GLYR1: variants seen among roughly 807,000 people sequenced by gnomAD.
The protein encoded by GLYR1 is glyoxylate reductase 1 homolog, also known as cytokine-like nuclear factor N-PAC.
A neutral mutation model predicts 72.7 loss-of-function variants in GLYR1; 21 were observed. The ratio of observed to expected loss-of-function variants is 0.29; its 90% CI spans 0.20 to 0.42. The LOEUF is 0.42. GLYR1 is among the 10% of genes least tolerant of loss of function. The probability of loss-of-function intolerance (pLI) is 1.00; values close to 1 mark genes in which losing one functional copy is unlikely to be tolerated. For synonymous variants in GLYR1, 392 were observed against 270.2 expected (o/e 1.45, Z -4.42); for missense variants, 594 against 712.1 (o/e 0.83, Z 1.89).
intron 10 of GLYR1, among the ~76,000 whole-genome samples, chr16:4,815,058 C>CA (rs1375083472): frequency 7.9e-5 from 12 of 152,126 alleles, no homozygotes; most frequent in Middle Eastern, 3.4e-3. Context: ...TTTCTCAACA[C>CA]TGTTGTCAGG....
At chr16:4,841,015 A>G (rs538270338) in intron 3 of GLYR1, among the ~76,000 whole-genome samples, 120 of 152,370 alleles carry the variant, frequency 7.9e-4, no homozygotes, top group Middle Eastern at 3.4e-3. Flanking sequence ...TTAGTACCAC[A>G]GTGACTTCAT....
chr16:4,823,221 T>TG (rs1311406109), intron 6 of GLYR1, among the ~76,000 whole-genome samples: 1 of 152,270 alleles, frequency 6.6e-6, no homozygotes, highest in Non-Finnish European at 1.5e-5. Context: ...AGCATACCTG[T>TG]GCTTTATAAA....
chr16:4,828,255 G>C (rs1017418970), intron 5 of GLYR1, among the ~76,000 whole-genome samples: 8 of 151,932 alleles, frequency 5.3e-5, no homozygotes, highest in African/African-American at 1.9e-4. Flanking sequence ...ATTTTTAGTA[G>C]AGACGGGGTT....
intron 15 of GLYR1, among the ~76,000 whole-genome samples, chr16:4,809,947 A>C (rs2083231774): frequency 6.6e-6 from 1 of 151,970 alleles, no homozygotes; most frequent in African/African-American, 2.4e-5. Flanking sequence ...AAAACAAAAA[A>C]CAAAAAAACA....
chr16:4,845,123 G>A lies in GLYR1; in HGVS notation c.106C>T (p.Pro36Ser). 6.2e-7 allele frequency: 1 copy of A among 1,614,086 alleles called. No individual in the cohort carries two copies. Among genetic ancestry groups the A allele is most frequent in the Non-Finnish European group, 8.5e-7 (1 of 1,179,940 alleles). ...IVNPPKDLKK[P>S]RGKKCFFVKF... ...ACAAAGAAGCATTTCTTTCCGCGAG[G>A]TTTCTTCAAGTCCTTTGGTGGATTA... Residue 36 changes from proline to serine, a missense_variant, in exon 3 of 16, where the codon CCT becomes TCT. Coordinates refer to ENST00000321919, the MANE Select transcript of GLYR1 (RefSeq NM_032569.4).
chr16:4,814,442 G>C (rs1489644093), intron 11 of GLYR1, 95 bp downstream of exon 11: 5 of 899,652 alleles, frequency 5.6e-6, no homozygotes, highest in Non-Finnish European at 7.5e-6. Flanking sequence ...CCCACATGTG[G>C]ACACTCACTT....
Position 4,845,171 on chromosome 16 carries a change from G to T in GLYR1, c.76-18C>A. The T allele has an allele frequency of 6.2e-7, 1 of 1,604,562 alleles. No individual in the cohort carries two copies. The highest frequency in any genetic ancestry group is 1.7e-5 in the Admixed American group (1 of 59,984). ...TTAACAATCTGGAGGATAAAAGGGG[G>T]GAAAAAGGTTGGCTGGCAACACAGC... is the stretch of plus-strand genomic sequence containing the variant. On this transcript the variant is annotated intron_variant, in intron 2 of 15. Coordinates refer to ENST00000321919, the MANE Select transcript of GLYR1 (RefSeq NM_032569.4).
chr16:4,845,536 A>C (rs1008607821), intron 2 of GLYR1, among the ~76,000 whole-genome samples: 1 of 152,096 alleles, frequency 6.6e-6, no homozygotes, highest in African/African-American at 2.4e-5. Context: ...TTACTGAAAA[A>C]ATGCAGACGA....
In GLYR1 at chr16:4,825,843, G is replaced by A. The variant is rs574518134; in HGVS notation, c.538-1936C>T. Among the ~76,000 whole-genome samples, 65 of 151,772 alleles carry A rather than the reference G, an allele frequency of 4.3e-4. 1 individual carries two copies. Among genetic ancestry groups the A allele is most frequent in the Non-Finnish European group, 8.1e-4 (55 of 67,912 alleles). ...AATTTTTTGTATTTTTAGTAGAGACGGGGTTTCACCATGTTAGCCAGGATG... is the reference window on the plus strand; with the variant it reads ...AATTTTTTGTATTTTTAGTAGAGACAGGGTTTCACCATGTTAGCCAGGATG... On this transcript the variant is annotated intron_variant, in intron 5 of 15. Coordinates refer to ENST00000321919, the MANE Select transcript of GLYR1 (RefSeq NM_032569.4).
chr16:4,845,433 T>A lies in GLYR1; in HGVS notation c.76-280A>T, dbSNP rs565397147. Among the ~76,000 whole-genome samples the A allele has an allele frequency of 2.6e-5, 4 of 152,330 alleles. No homozygotes were observed. The East Asian group carries it at 7.7e-4, about 29-fold the overall frequency. ...TCAGTAGACACAATATCCCTTTTACTGCAGTGGCCCTGTTTTACAAGCAGT... is the reference window on the plus strand; with the variant it reads ...TCAGTAGACACAATATCCCTTTTACAGCAGTGGCCCTGTTTTACAAGCAGT... On this transcript the variant is annotated intron_variant, in intron 2 of 15. Transcript: ENST00000321919.
chr16:4,832,075 C>T lies in GLYR1; in HGVS notation c.441G>A (p.Val147=), dbSNP rs1267046766. The T allele has an allele frequency of 1.2e-6, 2 of 1,614,100 alleles. No individual in the cohort carries two copies. Among genetic ancestry groups the T allele is most frequent in the East Asian group, 2.2e-5 (1 of 44,900 alleles). Residue 147 remains valine (V), a synonymous_variant, in exon 5 of 16, where the codon GTG becomes GTA. Transcript: ENST00000321919. ...KKNMGEGKKR[V]SSGSSERGSK... ...AGCCTCTCTCTGAAGAGCCTGAAGACACCCTCTTCTTTCCTTCTCCCATGT... is the reference window on the plus strand; with the variant it reads ...AGCCTCTCTCTGAAGAGCCTGAAGATACCCTCTTCTTTCCTTCTCCCATGT...
In GLYR1 at chr16:4,832,200, CAGA is replaced by C. The variant is rs2084843617; in HGVS notation, c.313_315del (p.Ser105del). ...CTGGAATTACGTCGATTCTTGTCAT[CAGA>C]AGAATTGTGGGATGACGTCTGAAAG... On this transcript the variant is annotated inframe_deletion, in exon 5 of 16. Coordinates refer to ENST00000321919, the MANE Select transcript of GLYR1 (RefSeq NM_032569.4). 4 of 1,614,070 alleles carry C rather than the reference CAGA, an allele frequency of 2.5e-6. No individual in the cohort carries two copies. The highest frequency in any genetic ancestry group is 3.4e-6 in the Non-Finnish European group (4 of 1,179,990).
chr16:4,827,219 T>C (rs531793567), intron 5 of GLYR1, among the ~76,000 whole-genome samples: 1 of 152,372 alleles, frequency 6.6e-6, no homozygotes, highest in Admixed American at 6.5e-5. Context: ...TATCAGCCTA[T>C]GTGACTGCTC....
chr16:4,832,363 C>T lies in GLYR1; in HGVS notation c.295-142G>A, dbSNP rs1310646078. The T allele has an allele frequency of 3.9e-6, 4 of 1,015,968 alleles. No homozygotes were observed. In the South Asian group the frequency reaches 4.9e-5, roughly 13 times the overall value. The allele number at this position is 1,015,968 out of a possible 1,614,324, so 62.9% of individuals were successfully genotyped here. A position where few individuals can be genotyped will look rare whatever the true frequency, so the allele number is the denominator to read the frequency against. ...CCCTAGAAATAGATTCTGCTGTCGT[C>T]CCAGACATTGGGAGAAGCAGATTTA... On this transcript the variant is annotated intron_variant, in intron 4 of 15. Coordinates refer to ENST00000321919, the MANE Select transcript of GLYR1 (RefSeq NM_032569.4).
At chr16:4,843,806 A>G (rs2085736748) in intron 3 of GLYR1, 1 of 330,724 alleles carries the variant, frequency 3.0e-6, no homozygotes, top group African/African-American at 2.3e-5. Context: ...ACTTAAAGAA[A>G]TCAAACCGGC....
At chr16:4,824,982 C>T (rs1314354043) in intron 5 of GLYR1, among the ~76,000 whole-genome samples, 1 of 152,174 alleles carries the variant, frequency 6.6e-6, no homozygotes, top group Non-Finnish European at 1.5e-5. Flanking sequence ...AATCCACTGA[C>T]AATGAATGGG....
chr16:4,810,198 T>C (rs376395752), intron 15 of GLYR1, among the ~76,000 whole-genome samples: 9 of 151,576 alleles, frequency 5.9e-5, no homozygotes, highest in African/African-American at 1.9e-4. Flanking sequence ...TTTAAAGGGT[T>C]TGAAAAAGAA....
chr16:4,810,286 C>G (rs187861081), intron 15 of GLYR1, among the ~76,000 whole-genome samples: 2,412 of 151,462 alleles, frequency 0.016, 45 homozygotes, highest in Middle Eastern at 0.045. Context: ...CTCCTGAGGT[C>G]AGGAGTTGGA....
intron 1 of GLYR1, chr16:4,846,873 C>G (rs1391816419): frequency 2.8e-6 from 1 of 362,242 alleles, no homozygotes; most frequent in Non-Finnish European, 5.0e-6. Context: ...GTCCCCGGCG[C>G]TTCTGCTTTC....
Sources: gnomAD v4.1 joint callset for allele counts (sites outside exome capture counted in the v4.1 genomes callset) on GRCh38, gnomAD v4.1.1 for gene constraint, MANE v1.5 for transcripts, NCBI Gene and HGNC (gene_info 2026-07-23, HGNC 2026-07-21) for gene names.